FAR2: variants seen among roughly 807,000 people sequenced by gnomAD.
FAR2 encodes epididymis secretory protein Li 81.
Under a neutral mutation model 56.0 loss-of-function variants are expected in FAR2, and 19 were observed. The observed-to-expected ratio is 0.34, with a 90% CI of 0.24 to 0.50. The LOEUF (loss-of-function observed/expected upper bound fraction) is 0.50, where lower values mean the gene tolerates loss of function less well. FAR2 is among the 20% of genes least tolerant of loss of function. FAR2 has a pLI of 0.98. For synonymous variants in FAR2, 219 were observed against 218.8 expected, an observed-to-expected ratio of 1.00 and a Z score of -0.01; for missense variants, 508 against 642.2, an observed-to-expected ratio of 0.79 and a Z score of 2.26.
chr12:29,311,025 C>G lies in FAR2; in HGVS notation c.769-3C>G. The G allele has an allele frequency of 6.2e-7, 1 of 1,606,826 alleles. No homozygotes were observed. On this transcript the variant is annotated splice_polypyrimidine_tract_variant and splice_region_variant and intron_variant, in intron 6 of 11. Transcript: ENST00000536681. Reference sequence around the variant, plus strand: ...AATATTTTATGTTCTTTTTCCTATGCAGACTGGGAAAGGGTTTCTTCGGGC... The same window carrying G: ...AATATTTTATGTTCTTTTTCCTATGGAGACTGGGAAAGGGTTTCTTCGGGC...
chr12:29,310,369 A>C (rs767808166), intron 6 of FAR2, among the ~76,000 whole-genome samples: 3 of 152,210 alleles, frequency 2.0e-5, no homozygotes, highest in Non-Finnish European at 4.4e-5. Flanking sequence ...AGCACAAAGA[A>C]TCAATTTCAT....
Position 29,327,818 on chromosome 12 carries a change from C to T in FAR2, c.1258-4782C>T, listed in dbSNP as rs1398012429. On this transcript the variant is annotated intron_variant, in intron 10 of 11. Coordinates refer to ENST00000536681, the MANE Select transcript of FAR2 (RefSeq NM_001271783.2). ...TAAAAACCCTAGAAGAAAACCTAGG[C>T]AATACCATTCAGGACACAGGCATGG... 4.6e-5 allele frequency among the ~76,000 whole-genome samples: 7 copies of T among 152,216 alleles called. No homozygotes were observed. The East Asian group carries it at 1.4e-3, about 29-fold the overall frequency.
At chr12:29,231,994 A>G (rs12320498) in intron 1 of FAR2, among the ~76,000 whole-genome samples, 7 of 152,156 alleles carry the variant, frequency 4.6e-5, no homozygotes, top group Non-Finnish European at 1.0e-4. Flanking sequence ...ATAGATAAGC[A>G]TGATATTATG....
At chr12:29,279,368 C>T (rs1329827583) in intron 2 of FAR2, among the ~76,000 whole-genome samples, 1 of 152,230 alleles carries the variant, frequency 6.6e-6, no homozygotes, top group Non-Finnish European at 1.5e-5. Context: ...CTTTACCTCC[C>T]ACACATGAAT....
intron 1 of FAR2, among the ~76,000 whole-genome samples, chr12:29,154,255 C>T (rs1355041947): frequency 6.6e-6 from 1 of 152,064 alleles, no homozygotes; most frequent in African/African-American, 2.4e-5. Flanking sequence ...CCCTGTCATT[C>T]CTCTGCCTTG....
chr12:29,162,900 A>C (rs1167647986), intron 1 of FAR2, among the ~76,000 whole-genome samples: 1 of 152,238 alleles, frequency 6.6e-6, no homozygotes, highest in African/African-American at 2.4e-5. Context: ...GTATTTATTC[A>C]ATGATTATTG....
intron 1 of FAR2, among the ~76,000 whole-genome samples, chr12:29,227,180 A>G (rs1303062837): frequency 6.6e-6 from 1 of 152,182 alleles, no homozygotes; most frequent in Non-Finnish European, 1.5e-5. Context: ...TATATTTATG[A>G]TTCTGGTGTT....
At chr12:29,210,347 A>G (rs562747017) in intron 1 of FAR2, among the ~76,000 whole-genome samples, 28 of 152,212 alleles carry the variant, frequency 1.8e-4, no homozygotes, top group Non-Finnish European at 3.7e-4. Flanking sequence ...ACTCAAAAAT[A>G]CTATCCAAAG....
chr12:29,191,104 A>G (rs906073552), intron 1 of FAR2, among the ~76,000 whole-genome samples: 1 of 152,224 alleles, frequency 6.6e-6, no homozygotes, highest in Non-Finnish European at 1.5e-5. Context: ...GTGGAAGAGC[A>G]CTACAGTGCT....
intron 3 of FAR2, among the ~76,000 whole-genome samples, chr12:29,294,981 A>C (rs1181796437): frequency 6.6e-6 from 1 of 152,096 alleles, no homozygotes; most frequent in African/African-American, 2.4e-5. Flanking sequence ...TTTTTAAACT[A>C]TTTTGTTACA....
At chr12:29,264,852 T>C (rs967126412) in intron 1 of FAR2, among the ~76,000 whole-genome samples, 2 of 151,072 alleles carry the variant, frequency 1.3e-5, no homozygotes, top group Non-Finnish European at 3.0e-5. Flanking sequence ...AGTCAACATA[T>C]AAAAATCAGT....
At chr12:29,194,905 A>C (rs1950132903) in intron 1 of FAR2, among the ~76,000 whole-genome samples, 1 of 152,176 alleles carries the variant, frequency 6.6e-6, no homozygotes, top group South Asian at 2.1e-4. Flanking sequence ...TTAGCAAGAA[A>C]AAGATTGTTT....
In FAR2 at chr12:29,284,951, C is replaced by T. The variant is rs531348129; in HGVS notation, c.190-8349C>T. On this transcript the variant is annotated intron_variant, in intron 2 of 11. Transcript: ENST00000536681. Reference sequence around the variant, plus strand: ...CCACCTCCCGGGTTCACGCCATTCTCCTGCCTTAGCCTCCCGAGTAGCTGG... The same window carrying T: ...CCACCTCCCGGGTTCACGCCATTCTTCTGCCTTAGCCTCCCGAGTAGCTGG... 4.6e-3 allele frequency among the ~76,000 whole-genome samples: 696 copies of T among 152,254 alleles called. 10 individuals carry two copies. The highest frequency in any genetic ancestry group is 0.016 in the African/African-American group (666 of 41,550).
At chr12:29,169,897 T>C (rs971351693) in intron 1 of FAR2, among the ~76,000 whole-genome samples, 1 of 152,224 alleles carries the variant, frequency 6.6e-6, no homozygotes, top group Non-Finnish European at 1.5e-5. Context: ...CCCTGCACTC[T>C]TGGACTTGAG....
intron 9 of FAR2, among the ~76,000 whole-genome samples, chr12:29,319,265 A>T (rs1445842816): frequency 6.6e-6 from 1 of 152,160 alleles, no homozygotes; most frequent in African/African-American, 2.4e-5. Context: ...TGCTGGGATT[A>T]CAGGCATGAG....
intron 1 of FAR2, among the ~76,000 whole-genome samples, chr12:29,211,779 G>T (rs1947552779): frequency 6.6e-6 from 1 of 151,456 alleles, no homozygotes; most frequent in African/African-American, 2.4e-5. Flanking sequence ...AATCCCAGTA[G>T]CTCAGAATGT....
intron 4 of FAR2, among the ~76,000 whole-genome samples, chr12:29,302,692 T>G (rs76912607): frequency 0.032 from 4,817 of 152,280 alleles, 102 homozygotes; most frequent in South Asian, 0.07. Context: ...TTGGGGTTGT[T>G]TGCTCATTTG....
At chr12:29,244,017 AAT>A (rs1948084662) in intron 1 of FAR2, among the ~76,000 whole-genome samples, 1 of 152,188 alleles carries the variant, frequency 6.6e-6, no homozygotes, top group Non-Finnish European at 1.5e-5. Flanking sequence ...TGAATGAATG[AAT>A]GAATGAATGA....
At chr12:29,269,937 G>T (rs967925102) in intron 1 of FAR2, among the ~76,000 whole-genome samples, 1 of 152,064 alleles carries the variant, frequency 6.6e-6, no homozygotes, top group African/African-American at 2.4e-5. Context: ...CCCTAAGCAC[G>T]CTGTGCCACA....
Sources: allele counts gnomAD v4.1 joint callset (sites outside exome capture counted in the v4.1 genomes callset), GRCh38; gene constraint gnomAD v4.1.1; transcripts MANE v1.5; gene names NCBI Gene and HGNC (gene_info 2026-07-23, HGNC 2026-07-21).